Variants in PLCB2 observed in about 807,000 individuals in gnomAD.
PLCB2 encodes phospholipase C beta 2.
Under a neutral mutation model 141.7 loss-of-function variants are expected in PLCB2, and 115 were observed. That is an observed-to-expected ratio of 0.81 (90% CI 0.70 to 0.95). The LOEUF is 0.95. Among genes scored for constraint, PLCB2 ranks in the 40% least tolerant of loss-of-function variants. The probability of loss-of-function intolerance (pLI) is 0.00; values close to 1 mark genes in which losing one functional copy is unlikely to be tolerated. For synonymous variants in PLCB2, 603 were observed against 595.6 expected (o/e 1.01, Z -0.18); for missense variants, 1,403 against 1,541.1 (o/e 0.91, Z 1.50).
chr15:40,299,091 C>G (rs1350658387), intron 8 of PLCB2, 37 bp downstream of exon 8: 3 of 1,576,090 alleles, frequency 1.9e-6, no homozygotes, highest in Middle Eastern at 1.7e-4. Context: ...TTAGCCACCA[C>G]CCTTTTCCCA....
intron 16 of PLCB2, 125 bp from the exon 17 acceptor site, chr15:40,295,410 G>C: frequency 1.5e-6 from 1 of 685,048 alleles, no homozygotes; most frequent in East Asian, 2.7e-5. Flanking sequence ...TTTCCACTGA[G>C]ACCTGAGGTT....
downstream of PLCB2, among the ~76,000 whole-genome samples, chr15:40,287,712 T>A (rs527454212): frequency 4.1e-4 from 63 of 152,180 alleles, no homozygotes; most frequent in Middle Eastern, 6.8e-3. Context: ...GATTGTGGCA[T>A]CAGGGCCAGC....
intron 11 of PLCB2, 43 bp from the exon 12 acceptor site, chr15:40,298,002 G>T: frequency 7.0e-7 from 1 of 1,433,018 alleles, no homozygotes; most frequent in Non-Finnish European, 9.8e-7. Context: ...TCAGCGTTCC[G>T]ACTGCCTGTC....
chr15:40,294,188 T>C (rs1595649951), intron 19 of PLCB2, 78 bp downstream of exon 19: 2 of 1,422,940 alleles, frequency 1.4e-6, no homozygotes, highest in East Asian at 2.3e-5. Context: ...GGGTTGCGAG[T>C]TGAGTGAGGG....
At position 40,296,927 on chromosome 15, in the gene PLCB2, G is replaced by A; in HGVS notation, c.1324-19C>T. ...GTTTTAGCTATGGAGTGGAGAGCAG[G>A]TCAGCACCATCTTCTCACCTTCATG... is the stretch of plus-strand genomic sequence containing the variant. On this transcript the variant is annotated intron_variant, in intron 13 of 31. Coordinates refer to ENST00000260402, the MANE Select transcript of PLCB2 (RefSeq NM_004573.3). 2 of 1,612,884 alleles carry A rather than the reference G, an allele frequency of 1.2e-6. No homozygotes were observed. Among genetic ancestry groups the A allele is most frequent in the Non-Finnish European group, 1.7e-6 (2 of 1,179,634 alleles).
downstream of PLCB2, among the ~76,000 whole-genome samples, chr15:40,287,031 C>T (rs554800834): frequency 9.8e-5 from 15 of 152,316 alleles, no homozygotes; most frequent in Admixed American, 3.9e-4. Context: ...CTCTGGCTTA[C>T]GTGCACATGC....
In PLCB2 at chr15:40,299,116, C is replaced by T; in HGVS notation, c.683+12G>A. ...CCCTTTTCCCATGACCAGCACAACC[C>T]AAGAAACTCACTAAGAAGTGAAGAT... On this transcript the variant is annotated intron_variant, in intron 8 of 31. Coordinates refer to ENST00000260402, the MANE Select transcript of PLCB2 (RefSeq NM_004573.3). The T allele has an allele frequency of 6.2e-7, 1 of 1,603,352 alleles. No individual in the cohort carries two copies. Among genetic ancestry groups the T allele is most frequent in the Non-Finnish European group, 8.5e-7 (1 of 1,170,194 alleles).
At chr15:40,286,068 G>A (rs1309523070), downstream of PLCB2, 1 of 983,164 alleles carries the variant, frequency 1.0e-6, no homozygotes, top group African/African-American at 1.7e-5. Flanking sequence ...TATGGGCTCA[G>A]TATGTTCTGA....
chr15:40,307,557 G>A (rs748100643), intron 1 of PLCB2, 32 bp downstream of exon 1: 2 of 1,399,238 alleles, frequency 1.4e-6, no homozygotes, highest in South Asian at 2.5e-5. Flanking sequence ...ACCACCTGGT[G>A]CTCCAGCAGC....
chr15:40,296,417 G>A, intron 15 of PLCB2, 25 bp from the exon 16 acceptor site: 1 of 1,613,794 alleles, frequency 6.2e-7, no homozygotes, highest in Non-Finnish European at 8.5e-7. Flanking sequence ...GGAGGGCAAA[G>A]AAGAGGAGGA....
Position 40,294,993 on chromosome 15 carries a change from G to A in PLCB2, c.1849C>T (p.Pro617Ser). Residue 617 changes from proline to serine, a missense_variant, in exon 18 of 32, where the codon CCC (proline) becomes TCC (serine). Around this residue, in one of 4 missense-constraint regions of PLCB2, gnomAD observed 975 missense variants for 1,141.1 expected, o/e 0.85. Coordinates refer to ENST00000260402, the MANE Select transcript of PLCB2 (RefSeq NM_004573.3). ...CATCCAGCATTCCAGAACATCTGGG[G>A]CATGTAGTTGGAGGAGTCCATGCGG... ...GTRMDSSNYM[P>S]QMFWNAGCQM... 3 of 1,614,128 alleles carry A rather than the reference G, an allele frequency of 1.9e-6. No individual in the cohort carries two copies. Among genetic ancestry groups the A allele is most frequent in the South Asian group, 2.2e-5 (2 of 91,084 alleles).
At chr15:40,286,203 C>T (rs1179757291), downstream of PLCB2, 1 of 198,076 alleles carries the variant, frequency 5.0e-6, no homozygotes, top group East Asian at 1.9e-4. Flanking sequence ...GGAGCCCAGG[C>T]AGGCAGGGGG....
At position 40,293,688 on chromosome 15, in the gene PLCB2, G is replaced by A. The variant is rs1325011113; in HGVS notation, c.2098C>T (p.Arg700Cys). The A allele has an allele frequency of 7.4e-6, 12 of 1,613,852 alleles. No individual in the cohort carries two copies. Among genetic ancestry groups the A allele is most frequent in the Admixed American group, 3.3e-5 (2 of 60,002 alleles). The change falls in exon 20 of 32, where the codon CGC becomes TGC. Residue 700 changes from arginine to cysteine, a missense_variant. Coordinates refer to ENST00000260402, the MANE Select transcript of PLCB2 (RefSeq NM_004573.3). ...SGQFLSERSVRTYVEVELFGL... is the reference protein window; with the variant it reads ...SGQFLSERSVCTYVEVELFGL... ...AACAGCTCCACTTCTACATAGGTGC[G>A]CACGCTGCGTTCTGACAGGAACTGC... is the stretch of plus-strand genomic sequence containing the variant.
Position 40,296,295 on chromosome 15 carries a change from C to T in PLCB2, c.1696+1G>A, listed in dbSNP as rs377366618. ...CCCGTAAGTTACTCATGCTAACTTA[C>T]GGGCAGAGAACTCAAAGGAGACGAA... On this transcript the variant is annotated splice_donor_variant, in intron 16 of 31. Coordinates refer to ENST00000260402, the MANE Select transcript of PLCB2 (RefSeq NM_004573.3). LOFTEE classifies it high-confidence loss of function. The T allele has an allele frequency of 2.0e-5, 32 of 1,610,728 alleles. No individual in the cohort carries two copies. Among genetic ancestry groups the T allele is most frequent in the Middle Eastern group, 3.3e-4 (2 of 6,080 alleles).
Position 40,301,932 on chromosome 15 carries a change from T to C in PLCB2, c.582+25A>G, listed in dbSNP as rs371291702. 1.1e-5 allele frequency: 17 copies of C among 1,605,928 alleles called. No individual in the cohort carries two copies. The African/African-American group carries it at 1.3e-4, about 13-fold the overall frequency. On this transcript the variant is annotated intron_variant, in intron 7 of 31. Coordinates refer to ENST00000260402, the MANE Select transcript of PLCB2 (RefSeq NM_004573.3). ...TGGTGGGGACAAGAATGCTGGGGGA[T>C]GGGCAGGGGTGCAGATCCACTCACT...
rs778408182 is a variant in PLCB2, at chr15:40,291,836, C to T, written c.2602+13G>A. The T allele has an allele frequency of 6.2e-7, 1 of 1,614,098 alleles. No individual in the cohort carries two copies. Among genetic ancestry groups the T allele is most frequent in the South Asian group, 1.1e-5 (1 of 91,086 alleles). ...GAGGTGCCCCCAGTAGGTGTGCGGA[C>T]CGAAGCTCATACCTGGTGACCCATT... On this transcript the variant is annotated intron_variant, in intron 24 of 31. Coordinates refer to ENST00000260402, the MANE Select transcript of PLCB2 (RefSeq NM_004573.3).
In PLCB2 at chr15:40,291,877, C is replaced by A. The variant is rs775985946; in HGVS notation, c.2574G>T (p.Ala858=). ...ASPVASQVNG[A]LAPTSNGSPA... Reference sequence around the variant, plus strand: ...GTGACCCATTGCTCGTTGGGGCCAACGCCCCATTGACCTGGCTGGCAACTG... The same window carrying A: ...GTGACCCATTGCTCGTTGGGGCCAAAGCCCCATTGACCTGGCTGGCAACTG... Residue 858 remains alanine, a synonymous_variant, in exon 24 of 32, where the codon GCG becomes GCT. Transcript: ENST00000260402. 1.2e-6 allele frequency: 2 copies of A among 1,614,110 alleles called. No homozygotes were observed. The highest frequency in any genetic ancestry group is 1.7e-5 in the Admixed American group (1 of 60,026).
At chr15:40,291,985 C>T (rs2039961648) in intron 23 of PLCB2, 61 bp from the exon 24 acceptor site, 2 of 1,604,346 alleles carry the variant, frequency 1.2e-6, no homozygotes, top group Non-Finnish European at 1.7e-6. Context: ...GAGCCTGGGA[C>T]TCGGCCCTCT....
At chr15:40,306,993 A>G (rs922401375) in intron 1 of PLCB2, among the ~76,000 whole-genome samples, 3 of 152,240 alleles carry the variant, frequency 2.0e-5, no homozygotes, top group Admixed American at 2.0e-4. Flanking sequence ...CCTTGCTGAC[A>G]GGCCTGCATC....
Sources: allele counts gnomAD v4.1 joint callset (sites outside exome capture counted in the v4.1 genomes callset), GRCh38; gene constraint gnomAD v4.1.1; regional missense constraint gnomAD v4.1.1; transcripts MANE v1.5; gene names NCBI Gene and HGNC (gene_info 2026-07-23, HGNC 2026-07-21).